S100A13: variants seen among roughly 807,000 people sequenced by gnomAD.
S100A13 encodes the protein S100 calcium binding protein A13, also known as protein S100-A13.
S100A13 carries 6 observed loss-of-function variants against 8.2 expected under a neutral mutation model. That is an observed-to-expected ratio of 0.73 (90% CI 0.40 to 1.44). S100A13 has a LOEUF of 1.44. Among genes scored for constraint, S100A13 ranks in the 40% most tolerant of loss-of-function variants. The probability of loss-of-function intolerance (pLI) is 0.02; values close to 1 mark genes in which losing one functional copy is unlikely to be tolerated. For synonymous variants in S100A13, 39 were observed against 45.9 expected (o/e 0.85, Z 0.61); for missense variants, 114 against 113.6 (o/e 1.00, Z -0.02).
At chr1:153,625,989 GA>G (rs1667594096) in intron 2 of S100A13, among the ~76,000 whole-genome samples, 1 of 152,164 alleles carries the variant, frequency 6.6e-6, no homozygotes, top group Admixed American at 6.5e-5. Flanking sequence ...CCAACCTGGT[GA>G]AACCCTGTCT....
upstream of S100A13, chr1:153,631,426 T>A: frequency 1.3e-6 from 2 of 1,519,220 alleles, no homozygotes; most frequent in Non-Finnish European, 1.8e-6. Context: ...AATTAGACAG[T>A]GCTTGTAAAG....
At chr1:153,620,039 C>A (rs941974453) in intron 2 of S100A13, among the ~76,000 whole-genome samples, 1 of 152,228 alleles carries the variant, frequency 6.6e-6, no homozygotes, top group East Asian at 1.9e-4. Flanking sequence ...GTAATCTCAA[C>A]GCTTTGGGAG....
At chr1:153,631,641 T>C (rs1406772260), upstream of S100A13, 16 of 1,613,452 alleles carry the variant, frequency 9.9e-6, no homozygotes, top group Non-Finnish European at 1.3e-5. Flanking sequence ...CCCTTGCCTC[T>C]GACTCAGTGC....
upstream of S100A13, among the ~76,000 whole-genome samples, chr1:153,632,562 C>A (rs963007838): frequency 6.6e-6 from 1 of 152,060 alleles, no homozygotes; most frequent in African/African-American, 2.4e-5. Context: ...TGAGCCACCG[C>A]GCTAGGCCGA....
Position 153,626,536 on chromosome 1 carries a change from G to A in S100A13, c.-61-3C>T. ...AGCTGACCTTTGTCAGGGCTGACCTGTGGAAGAGAGAAGGAGCAGAGAGGG... is the reference window on the plus strand; with the variant it reads ...AGCTGACCTTTGTCAGGGCTGACCTATGGAAGAGAGAAGGAGCAGAGAGGG... On this transcript the variant is annotated splice_region_variant and splice_polypyrimidine_tract_variant and intron_variant, in intron 1 of 2. Transcript: ENST00000476133. 2.6e-6 allele frequency: 4 copies of A among 1,546,194 alleles called. No individual in the cohort carries two copies. The highest frequency in any genetic ancestry group is 3.6e-6 in the Non-Finnish European group (4 of 1,125,666).
intron 2 of S100A13, among the ~76,000 whole-genome samples, chr1:153,619,700 C>G (rs1275077257): frequency 6.6e-6 from 1 of 152,116 alleles, no homozygotes. Context: ...CAAGCACAAC[C>G]AAAAAGTTGA....
At chr1:153,631,707 G>A, upstream of S100A13, 1 of 1,614,154 alleles carries the variant, frequency 6.2e-7, no homozygotes, top group East Asian at 2.2e-5. Context: ...GGCCCAGAAG[G>A]ATGTGGATGC....
Position 153,619,042 on chromosome 1 carries a change from A to AG in S100A13, c.154-5dup, listed in dbSNP as rs1433105389. The AG allele has an allele frequency of 6.2e-7, 1 of 1,612,864 alleles. No homozygotes were observed. The highest frequency in any genetic ancestry group is 8.5e-7 in the Non-Finnish European group (1 of 1,179,440). On this transcript the variant is annotated splice_polypyrimidine_tract_variant and splice_region_variant and intron_variant, in intron 2 of 2. Coordinates refer to ENST00000476133, the MANE Select transcript of S100A13 (RefSeq NM_001024211.2). ...TCTCATCAAGAGAGCCCACATCCTG[A>AG]GGAGACACCAAAGGGAAGGGTAGAG...
chr1:153,628,199 C>T, upstream of S100A13: 1 of 1,549,790 alleles, frequency 6.5e-7, no homozygotes. Context: ...CTCCCAGGAC[C>T]TCCTTCCCAC....
At chr1:153,625,786 A>T (rs1667577776) in intron 2 of S100A13, among the ~76,000 whole-genome samples, 1 of 152,188 alleles carries the variant, frequency 6.6e-6, no homozygotes, top group Non-Finnish European at 1.5e-5. Flanking sequence ...CTGACACAAG[A>T]CCATACTCCC....
At position 153,618,979 on chromosome 1, in the gene S100A13, G is replaced by A. The variant is rs1364880090; in HGVS notation, c.213C>T (p.Leu71=). 6.2e-7 allele frequency: 1 copy of A among 1,613,870 alleles called. No individual in the cohort carries two copies. Among genetic ancestry groups the A allele is most frequent in the South Asian group, 1.1e-5 (1 of 91,064 alleles). ...KSLDVNQDSE[L]KFNEYWRLIG... is the part of the protein sequence containing the mutation. Reference sequence around the variant, plus strand: ...TCAATCTCCAGTACTCATTGAACTTGAGCTCCGAGTCCTGATTCACATCCA... The same window carrying A: ...TCAATCTCCAGTACTCATTGAACTTAAGCTCCGAGTCCTGATTCACATCCA... Residue 71 remains leucine (L), a synonymous_variant, in exon 3 of 3, where the codon CTC becomes CTT. Coordinates refer to ENST00000476133, the MANE Select transcript of S100A13 (RefSeq NM_001024211.2).
chr1:153,634,332 C>T (rs1015092394), upstream of S100A13: 1 of 152,868 alleles, frequency 6.5e-6, no homozygotes, highest in East Asian at 1.9e-4. Flanking sequence ...GCACTGGCGT[C>T]TGTTTCCTTC....
Position 153,627,500 on chromosome 1 carries a change from TAG to T in S100A13, c.-81_-80del, listed in dbSNP as rs1667738650. The stretch of plus-strand genomic sequence containing the variant: ...AGACTCACCCGGCAAGGAGATGGGG[TAG>T]AGTGAGCTGGAGCCTCAGGGCTGAG... On this transcript the variant is annotated 5_prime_UTR_variant, in exon 1 of 3. Coordinates refer to ENST00000476133, the MANE Select transcript of S100A13 (RefSeq NM_001024211.2). 6.6e-6 allele frequency: 1 copy of T among 152,212 alleles called. No homozygotes were observed. Among genetic ancestry groups the T allele is most frequent in the Non-Finnish European group, 1.5e-5 (1 of 68,224 alleles). 9.4% of individuals were successfully genotyped at this position (152,212 alleles called of 1,614,324 possible). A position where few individuals can be genotyped will look rare whatever the true frequency, so the allele number is the denominator to read the frequency against.
intron 2 of S100A13, among the ~76,000 whole-genome samples, chr1:153,625,983 C>A (rs1003054586): frequency 6.6e-6 from 1 of 152,148 alleles, no homozygotes; most frequent in African/African-American, 2.4e-5. Context: ...GCCTGGCCAA[C>A]CTGGTGAAAC....
At position 153,618,822 on chromosome 1, in the gene S100A13, T is replaced by C; in HGVS notation, c.*73A>G. The stretch of plus-strand genomic sequence containing the variant: ...CATTTGTGTTTCAAGGAGGAAGCTT[T>C]ATTTGGGAAGAGTGCGGTTCTGCTC... On this transcript the variant is annotated 3_prime_UTR_variant, in exon 3 of 3. Transcript: ENST00000476133. The C allele has an allele frequency of 7.1e-7, 1 of 1,418,022 alleles. No individual in the cohort carries two copies. Among genetic ancestry groups the C allele is most frequent in the Non-Finnish European group, 9.7e-7 (1 of 1,032,270 alleles). The allele number at this position is 1,418,022 out of a possible 1,614,324, so 87.8% of individuals were successfully genotyped here.
upstream of S100A13, among the ~76,000 whole-genome samples, chr1:153,632,506 C>T (rs973746820): frequency 1.3e-5 from 2 of 151,994 alleles, no homozygotes; most frequent in East Asian, 3.9e-4. Flanking sequence ...CTCCTGACCT[C>T]GTGATCCCCC....
upstream of S100A13, chr1:153,627,900 C>T: frequency 1.2e-6 from 1 of 865,310 alleles, no homozygotes; most frequent in Non-Finnish European, 1.8e-6. Context: ...AATGAGATCC[C>T]ACAAAGGATG....
upstream of S100A13, chr1:153,628,880 C>T (rs758722265): frequency 9.3e-6 from 2 of 214,150 alleles, no homozygotes; most frequent in African/African-American, 2.3e-5. Flanking sequence ...AAGAAGAGAG[C>T]AGATACAACA....
intron 2 of S100A13, among the ~76,000 whole-genome samples, chr1:153,624,849 TG>T (rs1385754474): frequency 3.3e-5 from 5 of 152,016 alleles, no homozygotes; most frequent in African/African-American, 1.2e-4. Context: ...CCGAGGCAGG[TG>T]GATCACCTGA....
Sources: allele counts gnomAD v4.1 joint callset (sites outside exome capture counted in the v4.1 genomes callset), GRCh38; gene constraint gnomAD v4.1.1; transcripts MANE v1.5; gene names NCBI Gene and HGNC (gene_info 2026-07-23, HGNC 2026-07-21).